The following LETM1 variants were observed in gnomAD, a reference collection of about 807,000 sequenced individuals.
The protein encoded by LETM1 is mitochondrial proton/calcium exchanger protein.
A neutral mutation model predicts 74.5 loss-of-function variants in LETM1; 50 were observed. The ratio of observed to expected loss-of-function variants is 0.67; its 90% CI spans 0.53 to 0.85. The LOEUF is 0.85. Among genes scored for constraint, LETM1 ranks in the 40% least tolerant of loss-of-function variants. The probability of loss-of-function intolerance (pLI) is 0.00; values close to 1 mark genes in which losing one functional copy is unlikely to be tolerated. For missense variants in LETM1, 824 were observed against 967.8 expected, an observed-to-expected ratio of 0.85 and a Z score of 1.97; for synonymous variants, 446 against 407.1, an observed-to-expected ratio of 1.10 and a Z score of -1.15.
chr4:1,849,370 T>C (rs918130528), intron 1 of LETM1, among the ~76,000 whole-genome samples, 161 bp from the exon 2 acceptor site: 7 of 152,234 alleles, frequency 4.6e-5, no homozygotes, highest in Non-Finnish European at 8.8e-5. Flanking sequence ...GTTTAATTGA[T>C]TCTCCTGCCT....
chr4:1,831,417 A>G (rs1193975393), intron 6 of LETM1, among the ~76,000 whole-genome samples: 2 of 152,224 alleles, frequency 1.3e-5, no homozygotes, highest in Non-Finnish European at 2.9e-5. Context: ...GGGCAGAAGC[A>G]TCTCAGTACT....
At chr4:1,823,831 C>T (rs2108839328) in intron 7 of LETM1, 56 bp from the exon 8 acceptor site, 7 of 1,555,068 alleles carry the variant, frequency 4.5e-6, no homozygotes, top group South Asian at 2.5e-5. Flanking sequence ...GCTGGCCCCA[C>T]AGCAGGTCCG....
chr4:1,815,991 C>T (rs1473183171), intron 12 of LETM1, among the ~76,000 whole-genome samples, 189 bp from the exon 13 acceptor site: 3 of 152,272 alleles, frequency 2.0e-5, no homozygotes, highest in East Asian at 3.8e-4. Flanking sequence ...CCAGGGCCAG[C>T]GTGGACACAA....
chr4:1,849,888 G>A (rs1713010557), intron 1 of LETM1, among the ~76,000 whole-genome samples: 1 of 152,208 alleles, frequency 6.6e-6, no homozygotes, highest in African/African-American at 2.4e-5. Context: ...GGGGCGCCGT[G>A]GCTCACGCCT....
intron 7 of LETM1, among the ~76,000 whole-genome samples, 160 bp downstream of exon 7, chr4:1,825,404 G>A (rs1711947678): frequency 6.6e-6 from 1 of 152,254 alleles, no homozygotes; most frequent in Non-Finnish European, 1.5e-5. Flanking sequence ...AGGAGCAGAA[G>A]GGCGAGAAAC....
intron 3 of LETM1, among the ~76,000 whole-genome samples, chr4:1,837,849 TGC>T (rs1381257405): frequency 6.6e-6 from 1 of 151,504 alleles, no homozygotes; most frequent in Non-Finnish European, 1.5e-5. Context: ...ATTACAGACA[TGC>T]GCCACCACGC....
At chr4:1,819,754 C>T (rs1003504570) in intron 10 of LETM1, among the ~76,000 whole-genome samples, 2 of 152,212 alleles carry the variant, frequency 1.3e-5, no homozygotes, top group East Asian at 1.9e-4. Flanking sequence ...CAAAGAGTCA[C>T]CTCCAAATGC....
intron 1 of LETM1, among the ~76,000 whole-genome samples, chr4:1,853,494 C>G (rs1713139125): frequency 6.6e-6 from 1 of 152,174 alleles, no homozygotes; most frequent in African/African-American, 2.4e-5. Context: ...TCTTTCCCAG[C>G]TTAATTATGA....
At chr4:1,820,333 T>G (rs1711734383) in intron 10 of LETM1, among the ~76,000 whole-genome samples, 1 of 152,212 alleles carries the variant, frequency 6.6e-6, no homozygotes, top group African/African-American at 2.4e-5. Flanking sequence ...TAGTTCATTT[T>G]GGGGGGTGCC....
At chr4:1,830,519 G>T (rs1323970454) in intron 6 of LETM1, among the ~76,000 whole-genome samples, 1 of 152,092 alleles carries the variant, frequency 6.6e-6, no homozygotes, top group Non-Finnish European at 1.5e-5. Context: ...TTTTGTAGAG[G>T]TGGGGGGTCT....
chr4:1,841,869 A>T, intron 2 of LETM1, 72 bp from the exon 3 acceptor site: 1 of 1,108,224 alleles, frequency 9.0e-7, no homozygotes, highest in Non-Finnish European at 1.3e-6. Context: ...ACCGAACACC[A>T]ACAGCAGCAA....
intron 10 of LETM1, among the ~76,000 whole-genome samples, chr4:1,819,924 CCT>C (rs1711715342): frequency 6.6e-6 from 1 of 152,038 alleles, no homozygotes; most frequent in African/African-American, 2.4e-5. Context: ...GAGATTTGCC[CCT>C]GTGGTCGTGT....
At chr4:1,820,575 C>A (rs974567892) in intron 10 of LETM1, among the ~76,000 whole-genome samples, 2 of 152,210 alleles carry the variant, frequency 1.3e-5, no homozygotes, top group African/African-American at 4.8e-5. Context: ...GGTGTTTCTG[C>A]AGATGCTTTT....
rs1046061733 is a variant in LETM1 at position 1,834,740 on chromosome 4, C to A, written c.876+105G>T. 74 of 1,536,198 alleles carry A rather than the reference C, an allele frequency of 4.8e-5. No individual in the cohort carries two copies. Among genetic ancestry groups the A allele is most frequent in the Non-Finnish European group, 6.4e-5 (73 of 1,141,224 alleles). On this transcript the variant is annotated intron_variant, in intron 5 of 13. Coordinates refer to ENST00000302787, the MANE Select transcript of LETM1 (RefSeq NM_012318.3). This position sits in a 1 kb window ranked among gnomAD's most constrained non-coding sequence, Gnocchi z 5.0. ...TCCTGGGTAAACTTTCAAGCGCCAG[C>A]CAGCACCTGGGGGAGCTCCACTCTG...
At chr4:1,845,915 C>T (rs749789644) in intron 2 of LETM1, among the ~76,000 whole-genome samples, 4 of 150,890 alleles carry the variant, frequency 2.7e-5, no homozygotes, top group African/African-American at 4.9e-5. Context: ...TGGAGTGCAG[C>T]GGTGTGATCC....
intron 2 of LETM1, chr4:1,846,544 T>A (rs1027506405): frequency 6.6e-6 from 1 of 152,186 alleles, no homozygotes; most frequent in African/African-American, 2.4e-5. Context: ...GGATTACAGG[T>A]GTGAGCCACC....
rs1403766475 is a variant in LETM1 at position 1,836,001 on chromosome 4, G to A, written c.738+428C>T. ...AAGACAAGAGGATCACTTAAGTCCA[G>A]GAACTTGAGGCTGCAGTGAGCCGTG... On this transcript the variant is annotated intron_variant, in intron 4 of 13. Coordinates refer to ENST00000302787, the MANE Select transcript of LETM1 (RefSeq NM_012318.3). The surrounding 1 kb of genome is among the most constrained non-coding windows in gnomAD (Gnocchi z 5.8). 6.6e-6 allele frequency among the ~76,000 whole-genome samples: 1 copy of A among 152,182 alleles called. No individual in the cohort carries two copies. The highest frequency in any genetic ancestry group is 1.5e-5 in the Non-Finnish European group (1 of 68,038).
intron 13 of LETM1, among the ~76,000 whole-genome samples, chr4:1,815,389 A>T (rs1711537833): frequency 6.6e-6 from 1 of 152,196 alleles, no homozygotes; most frequent in Non-Finnish European, 1.5e-5. Context: ...CCGGCTCCCC[A>T]GTGCCACCAG....
intron 2 of LETM1, among the ~76,000 whole-genome samples, chr4:1,847,222 T>C (rs1300444849): frequency 2.0e-5 from 3 of 151,834 alleles, no homozygotes; most frequent in African/African-American, 7.3e-5. Flanking sequence ...ATGCCTGTAG[T>C]CCCAGCTACT....
Sources: gnomAD v4.1 joint callset for allele counts (sites outside exome capture counted in the v4.1 genomes callset) on GRCh38, gnomAD v4.1.1 for gene constraint, Gnocchi (gnomAD v3.1) non-coding constraint, MANE v1.5 for transcripts, NCBI Gene and HGNC (gene_info 2026-07-23, HGNC 2026-07-21) for gene names.